The following PRKCB variants were observed in gnomAD, a reference collection of about 807,000 sequenced individuals.
PRKCB encodes protein kinase C beta type.
PRKCB carries 13 observed loss-of-function variants against 81.5 expected under a neutral mutation model. The observed-to-expected ratio is 0.16, with a 90% confidence interval of 0.10 to 0.25. PRKCB has a LOEUF of 0.25. Among genes scored for constraint, PRKCB ranks in the 10% least tolerant of loss-of-function variants. The pLI is 1.00. For synonymous variants in PRKCB, 335 were observed against 321.4 expected, an observed-to-expected ratio of 1.04 and a Z score of -0.45; for missense variants, 509 against 875.7, an observed-to-expected ratio of 0.58 and a Z score of 5.29.
intron 2 of PRKCB, among the ~76,000 whole-genome samples, chr16:23,890,465 A>T (rs1209648280): frequency 6.6e-6 from 1 of 152,154 alleles, no homozygotes; most frequent in Non-Finnish European, 1.5e-5. Flanking sequence ...TGAAACAAGG[A>T]GAGACGCTCC....
At chr16:23,946,426 T>A (rs1354739553) in intron 2 of PRKCB, among the ~76,000 whole-genome samples, 2 of 152,194 alleles carry the variant, frequency 1.3e-5, no homozygotes, top group Non-Finnish European at 2.9e-5. Context: ...TCATATCAGT[T>A]GTCAGTTACC....
intron 3 of PRKCB, among the ~76,000 whole-genome samples, chr16:24,004,187 A>G (rs1051351141): frequency 1.3e-5 from 2 of 152,300 alleles, no homozygotes; most frequent in African/African-American, 4.8e-5. Context: ...TACCCAACCA[A>G]TGTAAATGGA....
chr16:23,927,797 GAGAT>G (rs942192422), intron 2 of PRKCB, among the ~76,000 whole-genome samples: 5 of 152,064 alleles, frequency 3.3e-5, no homozygotes, highest in African/African-American at 1.2e-4. Context: ...GCTTTTGACA[GAGAT>G]AGAACCATGG....
At chr16:23,948,649 C>T (rs1339321668) in intron 2 of PRKCB, among the ~76,000 whole-genome samples, 1 of 152,162 alleles carries the variant, frequency 6.6e-6, no homozygotes, top group Non-Finnish European at 1.5e-5. Context: ...TCAAGTGATC[C>T]ACCTGCCTTG....
intron 16 of PRKCB, chr16:24,208,314 A>G (rs919864943): frequency 3.9e-5 from 6 of 152,370 alleles, no homozygotes; most frequent in African/African-American, 1.4e-4. Context: ...TCCCTGTGGC[A>G]GTGGTGACCA....
intron 5 of PRKCB, among the ~76,000 whole-genome samples, chr16:24,091,886 T>C (rs908179403): frequency 6.6e-6 from 1 of 152,218 alleles, no homozygotes; most frequent in Non-Finnish European, 1.5e-5. Flanking sequence ...CTGCTGACAT[T>C]GTTCCAGCCT....
Position 24,130,141 on chromosome 16 carries a change from G to A in PRKCB, c.1065+6160G>A, listed in dbSNP as rs538193412. ...ACCATTTAACCAGAATTCAATATTT[G>A]CAATGATTATTTTAAAGGTAAAATT... is the stretch of plus-strand genomic sequence containing the variant. On this transcript the variant is annotated intron_variant, in intron 9 of 16. Coordinates refer to ENST00000643927, the MANE Select transcript of PRKCB (RefSeq NM_002738.7). Among the ~76,000 whole-genome samples, 3 of 152,160 alleles carry A rather than the reference G, an allele frequency of 2.0e-5. No homozygotes were observed. The South Asian group carries it at 6.2e-4, about 32-fold the overall frequency.
At chr16:23,979,766 A>G (rs1269649555) in intron 2 of PRKCB, among the ~76,000 whole-genome samples, 1 of 152,188 alleles carries the variant, frequency 6.6e-6, no homozygotes, top group African/African-American at 2.4e-5. Context: ...TTCAAATACA[A>G]GTGTTAACAC....
chr16:23,868,698 A>G (rs1962849592), intron 2 of PRKCB, among the ~76,000 whole-genome samples: 1 of 152,232 alleles, frequency 6.6e-6, no homozygotes, highest in African/African-American at 2.4e-5. Flanking sequence ...CTTTAGTTTC[A>G]GAACTGGTAA....
chr16:24,196,118 A>G (rs562320051), intron 16 of PRKCB, among the ~76,000 whole-genome samples: 1 of 152,292 alleles, frequency 6.6e-6, no homozygotes, highest in African/African-American at 2.4e-5. Context: ...TAACATGTTC[A>G]ATCTCATGCC....
At chr16:24,192,395 C>T (rs1048616515) in intron 16 of PRKCB, among the ~76,000 whole-genome samples, 4 of 151,984 alleles carry the variant, frequency 2.6e-5, no homozygotes, top group African/African-American at 7.3e-5. Context: ...ACATTGGGGT[C>T]GAAGAGGGCC....
Position 24,027,554 on chromosome 16 carries a change from C to T in PRKCB, c.289-4582C>T, listed in dbSNP as rs145962860. On this transcript the variant is annotated intron_variant, in intron 3 of 16. Coordinates refer to ENST00000643927, the MANE Select transcript of PRKCB (RefSeq NM_002738.7). ...GGGTCCTTTTGTAGCTGAGAGCACTCAGGGTCCCACTGGCGACAGCAGAAA... is the reference window on the plus strand; with the variant it reads ...GGGTCCTTTTGTAGCTGAGAGCACTTAGGGTCCCACTGGCGACAGCAGAAA... Among the ~76,000 whole-genome samples, 331 of 152,282 alleles carry T rather than the reference C, an allele frequency of 2.2e-3. 1 individual carries two copies. The highest frequency in any genetic ancestry group is 4.0e-3 in the Non-Finnish European group (274 of 68,032).
chr16:24,201,383 C>T (rs1967955012), intron 16 of PRKCB, among the ~76,000 whole-genome samples: 1 of 152,180 alleles, frequency 6.6e-6, no homozygotes, highest in African/African-American at 2.4e-5. Flanking sequence ...GGATTACTTT[C>T]CCCACTGTGT....
intron 10 of PRKCB, among the ~76,000 whole-genome samples, chr16:24,158,815 C>T (rs1053752058): frequency 3.3e-5 from 5 of 151,994 alleles, no homozygotes; most frequent in Admixed American, 6.6e-5. Context: ...TGCATCACCA[C>T]GCCCAGTTAA....
chr16:24,145,881 C>T lies in PRKCB; in HGVS notation c.1066-8803C>T, dbSNP rs915527777. 5.9e-5 allele frequency among the ~76,000 whole-genome samples: 9 copies of T among 152,288 alleles called. No individual in the cohort carries two copies. The East Asian group carries it at 1.2e-3, about 20-fold the overall frequency. On this transcript the variant is annotated intron_variant, in intron 9 of 16. Transcript: ENST00000643927. ...ACTGTAATGGGTAGAATTGTGTCCT[C>T]GTAAACAATGTATGTTCAATTTCTA...
intron 16 of PRKCB, among the ~76,000 whole-genome samples, chr16:24,191,904 C>T (rs887287615): frequency 3.9e-5 from 6 of 152,204 alleles, no homozygotes; most frequent in African/African-American, 1.4e-4. Context: ...AAAGACTCAG[C>T]AGGAAGTACT....
chr16:23,877,634 A>T (rs2141105229), intron 2 of PRKCB, among the ~76,000 whole-genome samples: 1 of 152,260 alleles, frequency 6.6e-6, no homozygotes, highest in East Asian at 1.9e-4. Flanking sequence ...GGGCCACTCA[A>T]CTCAGGAAAG....
Position 24,113,009 on chromosome 16 carries a change from C to T in PRKCB, c.858C>T (p.Phe286=), listed in dbSNP as rs1567379073. ...KLLSQEEGEY[F]NVPVPPEGSE... ...TGAGCCAGGAGGAAGGCGAGTACTT[C>T]AATGTGCCTGTGCCACCAGAAGGAA... The change falls in exon 8 of 17, where the codon TTC becomes TTT. Residue 286 remains phenylalanine, a synonymous_variant. Transcript: ENST00000643927. 8 of 1,613,116 alleles carry T rather than the reference C, an allele frequency of 5.0e-6. No individual in the cohort carries two copies. Among genetic ancestry groups the T allele is most frequent in the Non-Finnish European group, 5.9e-6 (7 of 1,179,442 alleles).
chr16:23,874,318 A>G (rs1962959383), intron 2 of PRKCB, among the ~76,000 whole-genome samples: 2 of 152,324 alleles, frequency 1.3e-5, no homozygotes, highest in South Asian at 4.1e-4. Context: ...GTAACGTGTC[A>G]GCTAGATTCT....
Sources: allele counts gnomAD v4.1 joint callset (sites outside exome capture counted in the v4.1 genomes callset), GRCh38; gene constraint gnomAD v4.1.1; transcripts MANE v1.5; gene names NCBI Gene and HGNC (gene_info 2026-07-23, HGNC 2026-07-21).